The following CHDH variants were observed in gnomAD, a reference collection of about 807,000 sequenced individuals.
The protein encoded by CHDH is choline dehydrogenase.
Under a neutral mutation model 56.9 loss-of-function variants are expected in CHDH, and 43 were observed. The observed-to-expected ratio is 0.76, with a 90% CI of 0.59 to 0.97. The LOEUF (loss-of-function observed/expected upper bound fraction) is 0.97, where lower values mean the gene tolerates loss of function less well. CHDH is among the 50% of genes least tolerant of loss of function. The probability of loss-of-function intolerance (pLI) is 0.00; values close to 1 mark genes in which losing one functional copy is unlikely to be tolerated. For synonymous variants in CHDH, 364 were observed against 348.5 expected (o/e 1.04, Z -0.50); for missense variants, 816 against 821.1 (o/e 0.99, Z 0.08).
chr3:53,819,430 C>T lies in CHDH; in HGVS notation c.1263+102G>A. On this transcript the variant is annotated intron_variant, in intron 7 of 8. Transcript: ENST00000315251. This position sits in a 1 kb window ranked among gnomAD's most constrained non-coding sequence, Gnocchi z 5.4. ...GGCCTCTGTGTCCCCCACTCTGCAG[C>T]CATATGGCACCAGGGAGAATGCTGC... 1.4e-6 allele frequency: 2 copies of T among 1,458,996 alleles called. No homozygotes were observed. Among genetic ancestry groups the T allele is most frequent in the Non-Finnish European group, 1.9e-6 (2 of 1,079,136 alleles). The allele number at this position is 1,458,996 out of a possible 1,614,324, so 90.4% of individuals were successfully genotyped here.
chr3:53,817,814 G>C lies in CHDH; in HGVS notation c.1748C>G (p.Pro583Arg), dbSNP rs753478907. 2 of 1,613,114 alleles carry C rather than the reference G, an allele frequency of 1.2e-6. No homozygotes were observed. Among genetic ancestry groups the C allele is most frequent in the African/African-American group, 2.7e-5 (2 of 75,070 alleles). ...GQPALWDKDV[P>R]VYKPRTLATQ... ...GGCCAGCGTCCTGGGCTTGTAGACA[G>C]GGACATCTTTGTCCCAGAGTGCAGG... The change falls in exon 9 of 9, where the codon CCT (proline) becomes CGT (arginine). Residue 583 changes from proline to arginine, a missense_variant. Physicochemically the swap from Pro to Arg is moderately radical, Grantham distance 103. Transcript: ENST00000315251.
At position 53,813,129 on chromosome 3, in the gene CHDH, A is replaced by ATTTTT. The variant is rs59630779; in HGVS notation, c.*4643_*4647dup. 2.5e-5 allele frequency: 3 copies of ATTTTT among 118,120 alleles called. No individual in the cohort carries two copies. The highest frequency in any genetic ancestry group is 3.5e-5 in the Non-Finnish European group (2 of 57,352). The allele number at this position is 118,120 out of a possible 1,614,324, so 7.3% of individuals were successfully genotyped here. ...TTAATAGTATACAGACAACCTGTTA[A>ATTTTT]TTTTTTTTTTTTTTTTTTTTTTTGT... On this transcript the variant is annotated 3_prime_UTR_variant, in exon 9 of 9. Transcript: ENST00000315251.
At chr3:53,822,807 T>TGAGTC (rs950220874) in intron 3 of CHDH, among the ~76,000 whole-genome samples, 165 bp from the exon 4 acceptor site, 2 of 151,750 alleles carry the variant, frequency 1.3e-5, no homozygotes, top group Non-Finnish European at 2.9e-5. Context: ...CCTGCCCTAC[T>TGAGTC]GAGTCCACAT....
chr3:53,825,174 A>G (rs2095636714), intron 2 of CHDH, among the ~76,000 whole-genome samples: 1 of 152,248 alleles, frequency 6.6e-6, no homozygotes, highest in Non-Finnish European at 1.5e-5. Context: ...TTTGCTAGGT[A>G]TACTGTTTAC....
chr3:53,824,315 G>C (rs561788035), intron 2 of CHDH, among the ~76,000 whole-genome samples: 10 of 152,366 alleles, frequency 6.6e-5, no homozygotes, highest in African/African-American at 2.4e-4. Flanking sequence ...ATGCTTCCCT[G>C]TGCCCTGTGT....
intron 2 of CHDH, among the ~76,000 whole-genome samples, chr3:53,831,406 G>T (rs4687747): frequency 0.15 from 22,512 of 152,284 alleles, 2,502 homozygotes; most frequent in African/African-American, 0.29. Context: ...CTGGGGCCTT[G>T]TGTGAATACA....
intron 2 of CHDH, among the ~76,000 whole-genome samples, chr3:53,832,210 A>C (rs1698354834): frequency 6.6e-6 from 1 of 152,180 alleles, no homozygotes; most frequent in Non-Finnish European, 1.5e-5. Flanking sequence ...CAACAGCAAA[A>C]AGGTGGCAAC....
chr3:53,829,975 A>G (rs1698283467), intron 2 of CHDH, among the ~76,000 whole-genome samples: 1 of 152,218 alleles, frequency 6.6e-6, no homozygotes. Flanking sequence ...ACCACAAGAC[A>G]AAACAATAAC....
At chr3:53,843,957 G>A (rs1368366029) in intron 1 of CHDH, among the ~76,000 whole-genome samples, 6 of 152,198 alleles carry the variant, frequency 3.9e-5, no homozygotes, top group South Asian at 2.1e-4. Context: ...AGGCCACCTG[G>A]GACCTCTCAT....
intron 1 of CHDH, among the ~76,000 whole-genome samples, chr3:53,843,693 C>G (rs893183103): frequency 1.3e-5 from 2 of 152,132 alleles, no homozygotes; most frequent in African/African-American, 4.8e-5. Flanking sequence ...CCCCCCCGGA[C>G]AGGAAGGCAC....
intron 6 of CHDH, 85 bp downstream of exon 6, chr3:53,820,389 G>A (rs1435396662): frequency 1.0e-5 from 15 of 1,481,992 alleles, no homozygotes; most frequent in Admixed American, 4.4e-5. Context: ...AAACCCAGTG[G>A]CCAGAACCCC....
rs957077224 is a variant in CHDH, at chr3:53,846,274, G to A, written c.-322C>T. Reference sequence around the variant, plus strand: ...GCCGCGAGGCTAGCTGGGCTCCAGCGGAGGCGCGCGAAGCCCGAGGGCGGG... The same window carrying A: ...GCCGCGAGGCTAGCTGGGCTCCAGCAGAGGCGCGCGAAGCCCGAGGGCGGG... On this transcript the variant is annotated 5_prime_UTR_variant, in exon 1 of 9. Coordinates refer to ENST00000315251, the MANE Select transcript of CHDH (RefSeq NM_018397.5). 2 of 318,532 alleles carry A rather than the reference G, an allele frequency of 6.3e-6. No homozygotes were observed. The highest frequency in any genetic ancestry group is 5.7e-6 in the Non-Finnish European group (1 of 175,988). 19.7% of individuals were successfully genotyped at this position (318,532 alleles called of 1,614,324 possible).
intron 5 of CHDH, among the ~76,000 whole-genome samples, chr3:53,820,902 G>T (rs28563804): frequency 6.6e-6 from 1 of 152,214 alleles, no homozygotes; most frequent in Non-Finnish European, 1.5e-5. Flanking sequence ...TGTGAGGGCA[G>T]GGCCTACGCC....
At position 53,819,829 on chromosome 3, in the gene CHDH, C is replaced by T. The variant is rs140429200; in HGVS notation, c.1121-155G>A. The stretch of plus-strand genomic sequence containing the variant: ...CCCAAGTCCTGTCCACATCTGTTCA[C>T]CCCTCACAGGGGGCTCACCCAGCAC... On this transcript the variant is annotated intron_variant, in intron 6 of 8. Transcript: ENST00000315251. The surrounding 1 kb of genome is among the most constrained non-coding windows in gnomAD (Gnocchi z 5.4). 6.6e-6 allele frequency among the ~76,000 whole-genome samples: 1 copy of T among 152,344 alleles called. No homozygotes were observed. The highest frequency in any genetic ancestry group is 1.9e-4 in the East Asian group (1 of 5,178).
intron 5 of CHDH, among the ~76,000 whole-genome samples, chr3:53,820,909 C>T (rs1214848814): frequency 3.3e-5 from 5 of 152,236 alleles, no homozygotes; most frequent in African/African-American, 9.6e-5. Flanking sequence ...GCAGGGCCTA[C>T]GCCTTCAGCA....
rs920252 is a variant in CHDH, at chr3:53,814,645, G to C, written c.*3132C>G. On this transcript the variant is annotated 3_prime_UTR_variant, in exon 9 of 9. Coordinates refer to ENST00000315251, the MANE Select transcript of CHDH (RefSeq NM_018397.5). ...CTTCTGAGTGGCGGGACATGGTTGG[G>C]TGGAGAAGAATCTGTTTTTTTGTTG... 118,641 of 152,122 alleles carry C rather than the reference G, an allele frequency of 0.78. 47,036 individuals are homozygous for C. Among genetic ancestry groups the C allele is most frequent in the East Asian group, 1 (5,141 of 5,154 alleles). 9.4% of individuals were successfully genotyped at this position (152,122 alleles called of 1,614,324 possible). A position where few individuals can be genotyped will look rare whatever the true frequency, so the allele number is the denominator to read the frequency against.
intron 3 of CHDH, 24 bp from the exon 4 acceptor site, chr3:53,822,666 A>C: frequency 6.3e-7 from 1 of 1,599,174 alleles, no homozygotes; most frequent in East Asian, 2.2e-5. Context: ...TGAGGTGGTC[A>C]GGCATGGCTC....
At position 53,823,669 on chromosome 3, in the gene CHDH, C is replaced by G; in HGVS notation, c.340G>C (p.Gly114Arg). The G allele has an allele frequency of 6.5e-7, 1 of 1,546,684 alleles. No individual in the cohort carries two copies. Among genetic ancestry groups the G allele is most frequent in the East Asian group, 2.4e-5 (1 of 40,886 alleles). The stretch of plus-strand genomic sequence containing the variant: ...CAGTACAGCACGCGGCCGTCCAGGC[C>G]CCGCTGCACCTCTGTGTGGTAGCAC... ...NWCYHTEVQR[G>R]LDGRVLYWPR... Residue 114 changes from glycine (G) to arginine (R), a missense_variant, in exon 3 of 9, where the codon GGC (glycine) becomes CGC (arginine). By Grantham distance (125) the Gly-to-Arg change is moderately radical (BLOSUM62 -2). Transcript: ENST00000315251.
At position 53,817,657 on chromosome 3, in the gene CHDH, G is replaced by T; in HGVS notation, c.*120C>A. The T allele has an allele frequency of 1.3e-6, 1 of 770,570 alleles. No individual in the cohort carries two copies. The highest frequency in any genetic ancestry group is 2.0e-6 in the Non-Finnish European group (1 of 487,894). 47.7% of individuals were successfully genotyped at this position (770,570 alleles called of 1,614,324 possible). A position where few individuals can be genotyped will look rare whatever the true frequency, so the allele number is the denominator to read the frequency against. On this transcript the variant is annotated 3_prime_UTR_variant, in exon 9 of 9. Transcript: ENST00000315251. Reference sequence around the variant, plus strand: ...TTATCCAATTCTCAGCCACTGAGTAGGGTACCACCTGGGTCCTAGTGTGCT... The same window carrying T: ...TTATCCAATTCTCAGCCACTGAGTATGGTACCACCTGGGTCCTAGTGTGCT...
Sources: allele counts gnomAD v4.1 joint callset (sites outside exome capture counted in the v4.1 genomes callset), GRCh38; gene constraint gnomAD v4.1.1; non-coding constraint Gnocchi (gnomAD v3.1); transcripts MANE v1.5; gene names NCBI Gene and HGNC (gene_info 2026-07-23, HGNC 2026-07-21).